GRIK4: variants seen among roughly 807,000 people sequenced by gnomAD.
The protein encoded by GRIK4 is glutamate ionotropic receptor kainate type subunit 4.
A neutral mutation model predicts 104.9 loss-of-function variants in GRIK4; 40 were observed. The observed-to-expected ratio is 0.38, with a 90% confidence interval of 0.30 to 0.50. GRIK4 has a LOEUF of 0.50. Among genes scored for constraint, GRIK4 ranks in the 20% least tolerant of loss-of-function variants. The probability of loss-of-function intolerance (pLI) is 0.93; values close to 1 mark genes in which losing one functional copy is unlikely to be tolerated. For missense variants in GRIK4, 1,047 were observed against 1,308.1 expected (o/e 0.80, Z 3.08); for synonymous variants, 485 against 524.9 (o/e 0.92, Z 1.04).
At chr11:120,857,571 A>C (rs575464529) in intron 8 of GRIK4, among the ~76,000 whole-genome samples, 1 of 152,190 alleles carries the variant, frequency 6.6e-6, no homozygotes, top group South Asian at 2.1e-4. Context: ...AGTGATGATA[A>C]AGCAAGCTGT....
At chr11:120,600,162 G>C (rs1948865341) in intron 1 of GRIK4, among the ~76,000 whole-genome samples, 1 of 152,128 alleles carries the variant, frequency 6.6e-6, no homozygotes, top group African/African-American at 2.4e-5. Flanking sequence ...CCTTCAATGT[G>C]GGAGCCCCTA....
Position 120,818,437 on chromosome 11 carries a change from T to G in GRIK4, c.346-1318T>G, listed in dbSNP as rs534502484. Reference sequence around the variant, plus strand: ...CCGTTATGACACAGATCAATGTCACTCTTTAGAATTGCCTTTCATAACTCA... The same window carrying G: ...CCGTTATGACACAGATCAATGTCACGCTTTAGAATTGCCTTTCATAACTCA... On this transcript the variant is annotated intron_variant, in intron 5 of 20. Coordinates refer to ENST00000527524, the MANE Select transcript of GRIK4 (RefSeq NM_014619.5). 3.7e-4 allele frequency among the ~76,000 whole-genome samples: 56 copies of G among 152,348 alleles called. 1 individual carries two copies. In the South Asian group the frequency reaches 0.011, roughly 30 times the overall value.
intron 3 of GRIK4, among the ~76,000 whole-genome samples, chr11:120,739,358 A>G (rs1205622809): frequency 3.3e-5 from 5 of 152,182 alleles, no homozygotes; most frequent in African/African-American, 4.8e-5. Context: ...TGAGTTTCCC[A>G]TGGGCTCTGC....
chr11:120,856,067 A>G (rs1954098363), intron 8 of GRIK4, among the ~76,000 whole-genome samples: 2 of 152,164 alleles, frequency 1.3e-5, no homozygotes. Flanking sequence ...AGCACGGAGG[A>G]TGGATTGCAC....
intron 1 of GRIK4, among the ~76,000 whole-genome samples, chr11:120,646,864 C>G (rs1290460330): frequency 1.3e-5 from 2 of 152,146 alleles, no homozygotes; most frequent in Non-Finnish European, 2.9e-5. Flanking sequence ...AACCATTTTT[C>G]ACATGTAACA....
chr11:120,933,646 C>T (rs1444533668), intron 13 of GRIK4, among the ~76,000 whole-genome samples: 1 of 152,180 alleles, frequency 6.6e-6, no homozygotes, highest in Non-Finnish European at 1.5e-5. Context: ...ATTGATATGG[C>T]AGCGCTCTAC....
chr11:120,982,906 C>T (rs1245262764), intron 20 of GRIK4, among the ~76,000 whole-genome samples: 6 of 152,238 alleles, frequency 3.9e-5, no homozygotes, highest in South Asian at 2.1e-4. Context: ...AACACAACAC[C>T]GCCTGCCAGT....
intron 8 of GRIK4, among the ~76,000 whole-genome samples, chr11:120,840,510 G>C (rs1296151898): frequency 6.6e-6 from 1 of 152,126 alleles, no homozygotes; most frequent in Non-Finnish European, 1.5e-5. Flanking sequence ...GTCAGCTTAT[G>C]AGGTCCAAAT....
In GRIK4 at chr11:120,886,977, AGTCTG is replaced by A. The variant is rs1343957938; in HGVS notation, c.1165-11554_1165-11550del. Among the ~76,000 whole-genome samples the A allele has an allele frequency of 5.9e-5, 9 of 152,312 alleles. No individual in the cohort carries two copies. In the East Asian group the frequency reaches 1.7e-3, roughly 29 times the overall value. ...GATTCTTGCAAATGGATCATCATAG[AGTCTG>A]TTTGAATGCCTCCAGTGTCAAGGAA... On this transcript the variant is annotated intron_variant, in intron 11 of 20. Transcript: ENST00000527524.
chr11:120,703,065 C>T (rs1950578028), intron 3 of GRIK4, among the ~76,000 whole-genome samples: 3 of 152,176 alleles, frequency 2.0e-5, no homozygotes, highest in Non-Finnish European at 4.4e-5. Flanking sequence ...GTCAATAGAA[C>T]TTTCTCGATG....
chr11:120,890,802 G>T (rs1955266896), intron 11 of GRIK4, among the ~76,000 whole-genome samples: 1 of 152,194 alleles, frequency 6.6e-6, no homozygotes, highest in Non-Finnish European at 1.5e-5. Flanking sequence ...GCACATGGCT[G>T]AGTGCCCAGA....
intron 13 of GRIK4, among the ~76,000 whole-genome samples, chr11:120,925,258 T>C (rs1253594189): frequency 6.6e-6 from 1 of 152,146 alleles, no homozygotes; most frequent in East Asian, 1.9e-4. Flanking sequence ...CATTCCTAAT[T>C]ACAGGGCTGA....
rs1018458380 is a variant in GRIK4 at position 120,967,640 on chromosome 11, C to T, written c.2395+317C>T. Among the ~76,000 whole-genome samples the T allele has an allele frequency of 5.3e-5, 8 of 152,172 alleles. No homozygotes were observed. The highest frequency in any genetic ancestry group is 1.4e-4 in the African/African-American group (6 of 41,438). ...ATCTCCACACCTGTGCAGTCACAGT[C>T]GCCTGGTTTCAGTTTCCCATTCTTG... On this transcript the variant is annotated intron_variant, in intron 19 of 20. Coordinates refer to ENST00000527524, the MANE Select transcript of GRIK4 (RefSeq NM_014619.5). The surrounding 1 kb of genome is among the most constrained non-coding windows in gnomAD (Gnocchi z 4.2).
intron 1 of GRIK4, among the ~76,000 whole-genome samples, chr11:120,622,048 C>T (rs906433283): frequency 5.3e-5 from 8 of 151,994 alleles, no homozygotes; most frequent in African/African-American, 1.9e-4. Flanking sequence ...CTACAGGCCC[C>T]CGCCACCACA....
intron 1 of GRIK4, among the ~76,000 whole-genome samples, chr11:120,556,241 T>C (rs900475640): frequency 1.3e-5 from 2 of 151,772 alleles, no homozygotes; most frequent in African/African-American, 4.8e-5. Flanking sequence ...CACCCATGAG[T>C]CCTTTCTTTG....
intron 3 of GRIK4, among the ~76,000 whole-genome samples, chr11:120,747,166 C>G (rs1008388498): frequency 1.3e-5 from 2 of 152,184 alleles, no homozygotes; most frequent in Non-Finnish European, 2.9e-5. Context: ...AGACCTACTG[C>G]CTTGATGTTC....
At chr11:120,741,713 T>C (rs757071163) in intron 3 of GRIK4, among the ~76,000 whole-genome samples, 21 of 152,218 alleles carry the variant, frequency 1.4e-4, no homozygotes, top group Non-Finnish European at 2.9e-4. Flanking sequence ...AGGTTAAATA[T>C]AAAATGCCTT....
In GRIK4 at chr11:120,802,797, A is replaced by G. The variant is rs1460717053; in HGVS notation, c.187A>G (p.Lys63Glu). 1.9e-6 allele frequency: 3 copies of G among 1,614,208 alleles called. No homozygotes were observed. Among genetic ancestry groups the G allele is most frequent in the Non-Finnish European group, 1.7e-6 (2 of 1,180,030 alleles). Residue 63 changes from lysine (K) to glutamate (E), a missense_variant, in exon 4 of 21, where the codon AAG becomes GAG. By Grantham distance (56) the Lys-to-Glu change is moderately conservative. This residue lies in a region of GRIK4 where 447 missense variants were observed against 514.9 expected (regional missense o/e 0.87). Coordinates refer to ENST00000527524, the MANE Select transcript of GRIK4 (RefSeq NM_014619.5). ...CGCTCCTGAGAGGCTGGGCAAGGCC[A>G]AGGTCGAAGTGGACATCTTTGAGCT... Reference protein sequence around the residue: ...NRAPERLGKAKVEVDIFELLR... With the variant: ...NRAPERLGKAEVEVDIFELLR...
intron 11 of GRIK4, among the ~76,000 whole-genome samples, chr11:120,877,544 C>T (rs142084153): frequency 6.6e-6 from 1 of 152,280 alleles, no homozygotes; most frequent in Non-Finnish European, 1.5e-5. Context: ...AAGTGAAGAA[C>T]ATTCATTCAT....
Sources: allele counts gnomAD v4.1 joint callset (sites outside exome capture counted in the v4.1 genomes callset), GRCh38; gene constraint gnomAD v4.1.1; regional missense constraint gnomAD v4.1.1; non-coding constraint Gnocchi (gnomAD v3.1); transcripts MANE v1.5; gene names NCBI Gene and HGNC (gene_info 2026-07-23, HGNC 2026-07-21).